Variants in BAG1 observed in about 807,000 individuals in gnomAD.
BAG1 encodes the protein BAG cochaperone 1.
Under a neutral mutation model 35.5 loss-of-function variants are expected in BAG1, and 35 were observed. The observed-to-expected ratio is 0.99, with a 90% confidence interval of 0.75 to 1.31. The LOEUF (loss-of-function observed/expected upper bound fraction) is 1.31, where lower values mean the gene tolerates loss of function less well. Ranked by LOEUF, BAG1 falls within the 50% of genes most tolerant of loss-of-function variation. The pLI, the probability that BAG1 is intolerant of heterozygous loss-of-function variation, is 0.00. For synonymous variants in BAG1, 191 were observed against 178.9 expected (o/e 1.07, Z -0.54); for missense variants, 464 against 453.6 (o/e 1.02, Z -0.21).
At position 33,253,486 on chromosome 9, in the gene BAG1, AC is replaced by A. The variant is rs1272973038; in HGVS notation, c.*1732del. On this transcript the variant is annotated 3_prime_UTR_variant, in exon 7 of 7. Transcript: ENST00000634734. ...AACTTCTCATTAAATGTTGTGGCCC[AC>A]GCCACACAGCTATCACACAAAAATA... is the stretch of plus-strand genomic sequence containing the variant. 6.6e-6 allele frequency: 1 copy of A among 152,244 alleles called. No homozygotes were observed. The allele number at this position is 152,244 out of a possible 1,614,324, so 9.4% of individuals were successfully genotyped here.
In BAG1 at chr9:33,264,473, G is replaced by T. The variant is rs1184356795; in HGVS notation, c.202C>A (p.Arg68Ser). 6.2e-7 allele frequency: 1 copy of T among 1,612,184 alleles called. No individual in the cohort carries two copies. The highest frequency in any genetic ancestry group is 1.3e-5 in the African/African-American group (1 of 74,780). The change falls in exon 1 of 7, where the codon CGC becomes AGC. Residue 68 changes from arginine (R) to serine (S), a missense_variant. Arg to Ser is a moderately radical substitution (Grantham distance 110). Transcript: ENST00000634734. Reference sequence around the variant, plus strand: ...GTTTTCTTCTTCATCCGCGGCCTGCGAGCGCCGGCGGCGGCGCCCCTGGTG... The same window carrying T: ...GTTTTCTTCTTCATCCGCGGCCTGCTAGCGCCGGCGGCGGCGCCCCTGGTG...
intron 2 of BAG1, 84 bp downstream of exon 2, chr9:33,262,618 T>C (rs1262798676): frequency 5.5e-5 from 75 of 1,368,676 alleles, no homozygotes; most frequent in Non-Finnish European, 6.7e-5. Context: ...GATCGTGCCA[T>C]TGCACTCCAG....
chr9:33,264,589 TC>T lies in BAG1; in HGVS notation c.85del (p.Glu29SerfsTer44), dbSNP rs1426504560. On this transcript the variant is annotated frameshift_variant, in exon 1 of 7. Coordinates refer to ENST00000634734, the MANE Select transcript of BAG1 (RefSeq NM_004323.6). LOFTEE classifies it high-confidence loss of function. ...GGCCGGGGGCTCCGACTGGCGCGGC[TC>T]CCGGCCTGGCCGAAGGGCGCGCAGC... 2 of 1,397,422 alleles carry T rather than the reference TC, an allele frequency of 1.4e-6. No homozygotes were observed. Among genetic ancestry groups the T allele is most frequent in the Non-Finnish European group, 1.8e-6 (2 of 1,085,908 alleles). The allele number at this position is 1,397,422 out of a possible 1,614,324, so 86.6% of individuals were successfully genotyped here. A position where few individuals can be genotyped will look rare whatever the true frequency, so the allele number is the denominator to read the frequency against.
Position 33,256,781 on chromosome 9 carries a change from T to G in BAG1, c.885+20A>C. The G allele has an allele frequency of 1.3e-6, 2 of 1,590,016 alleles. No homozygotes were observed. Among genetic ancestry groups the G allele is most frequent in the Non-Finnish European group, 1.7e-6 (2 of 1,159,286 alleles). ...TAAAGTCAAAGAAAACTAGTTCTTC[T>G]CAGCTGAATATTTACTTACCAGTGT... On this transcript the variant is annotated intron_variant, in intron 5 of 6. Coordinates refer to ENST00000634734, the MANE Select transcript of BAG1 (RefSeq NM_004323.6).
At chr9:33,259,822 T>C (rs1018880132) in intron 3 of BAG1, 16 of 152,242 alleles carry the variant, frequency 1.1e-4, no homozygotes, top group Admixed American at 1.0e-3. Context: ...TGAATACTTT[T>C]ATTGAACACT....
intron 1 of BAG1, among the ~76,000 whole-genome samples, chr9:33,263,298 G>A (rs930134932): frequency 5.9e-5 from 9 of 152,082 alleles, no homozygotes; most frequent in Non-Finnish European, 8.8e-5. Context: ...GTATTGTATT[G>A]GTCTCGTCTC....
chr9:33,262,093 A>G (rs1204387202), intron 2 of BAG1: 1 of 1,284,696 alleles, frequency 7.8e-7, no homozygotes, highest in Admixed American at 2.3e-5. Flanking sequence ...TATAATGGGA[A>G]GATGATCTAA....
At chr9:33,256,310 C>A (rs1358025696) in intron 5 of BAG1, among the ~76,000 whole-genome samples, 3 of 152,202 alleles carry the variant, frequency 2.0e-5, no homozygotes, top group South Asian at 2.1e-4. Flanking sequence ...AACAGAAGTA[C>A]ACAGTGCAGT....
chr9:33,262,022 G>A (rs970143538), intron 2 of BAG1: 1 of 1,197,706 alleles, frequency 8.3e-7, no homozygotes, highest in African/African-American at 1.6e-5. Flanking sequence ...CTAAGAAAAT[G>A]ATTATTTAAT....
Position 33,255,247 on chromosome 9 carries a change from T to C in BAG1, c.1010A>G (p.Gln337Arg), listed in dbSNP as rs1418603261. 5.0e-6 allele frequency: 8 copies of C among 1,614,130 alleles called. No homozygotes were observed. ...CTCGGCCAGGGCAAAGTTTGTAGAC[T>C]GCAGCCGCTCAGTCTCCTGGCAGAT... Residue 337 changes from glutamine to arginine, a missense_variant, in exon 7 of 7, where the codon CAG (glutamine) becomes CGG (arginine). Coordinates refer to ENST00000634734, the MANE Select transcript of BAG1 (RefSeq NM_004323.6).
rs1160760481 is a variant in BAG1 at position 33,261,194 on chromosome 9, A to C, written c.581-25T>G. On this transcript the variant is annotated intron_variant, in intron 2 of 6. Transcript: ENST00000634734. ...CCTAAAAAGAGGAGAAAGGTAGGCC[A>C]AGTTGTAATAATTGTACAACACTGA... 5 of 1,528,824 alleles carry C rather than the reference A, an allele frequency of 3.3e-6. No individual in the cohort carries two copies. The South Asian group carries it at 5.8e-5, about 18-fold the overall frequency. The allele number at this position is 1,528,824 out of a possible 1,614,324, so 94.7% of individuals were successfully genotyped here. A position where few individuals can be genotyped will look rare whatever the true frequency, so the allele number is the denominator to read the frequency against.
intron 6 of BAG1, 47 bp downstream of exon 6, chr9:33,255,808 CACACATACCT>C: frequency 6.4e-7 from 1 of 1,550,594 alleles, no homozygotes; most frequent in Non-Finnish European, 8.9e-7. Flanking sequence ...AACAGATAAA[CACACATACCT>C]ACACATTAAC....
intron 2 of BAG1, chr9:33,262,195 GT>G (rs1238061529): frequency 7.8e-7 from 1 of 1,289,736 alleles, no homozygotes; most frequent in African/African-American, 1.5e-5. Flanking sequence ...CTGTCCAGGT[GT>G]TTGAGAGTGT....
Position 33,255,929 on chromosome 9 carries a change from T to C in BAG1, c.886-2A>G. Reference sequence around the variant, plus strand: ...GTCTTTGAAATTTTCTGGCAGGATCTATGGAAGAGTAAGTTGATAATACAA... The same window carrying C: ...GTCTTTGAAATTTTCTGGCAGGATCCATGGAAGAGTAAGTTGATAATACAA... On this transcript the variant is annotated splice_acceptor_variant, in intron 5 of 6. Coordinates refer to ENST00000634734, the MANE Select transcript of BAG1 (RefSeq NM_004323.6). LOFTEE classifies it high-confidence loss of function. 6.2e-7 allele frequency: 1 copy of C among 1,610,592 alleles called. No individual in the cohort carries two copies. Among genetic ancestry groups the C allele is most frequent in the Non-Finnish European group, 8.5e-7 (1 of 1,176,724 alleles).
In BAG1 at chr9:33,256,806, T is replaced by C. The variant is rs1450158141; in HGVS notation, c.880A>G (p.Thr294Ala). 24 of 1,612,284 alleles carry C rather than the reference T, an allele frequency of 1.5e-5. No individual in the cohort carries two copies. Among genetic ancestry groups the C allele is most frequent in the Non-Finnish European group, 2.0e-5 (23 of 1,178,412 alleles). Residue 294 changes from threonine (T) to alanine (A), a missense_variant, in exon 5 of 7, where the codon ACA becomes GCA. Thr to Ala is a moderately conservative substitution (Grantham distance 58). Transcript: ENST00000634734. ...TCAGCTGAATATTTACTTACCAGTG[T>C]GTCAATCTCCTCCAAGATCTTCATA...
In BAG1 at chr9:33,262,038, T is replaced by G. The variant is rs144398259; in HGVS notation, c.580+664A>C. The G allele has an allele frequency of 3.1e-5, 37 of 1,210,912 alleles. 1 individual carries two copies. In the Admixed American group the frequency reaches 9.6e-4, roughly 31 times the overall value. The allele number at this position is 1,210,912 out of a possible 1,614,324, so 75.0% of individuals were successfully genotyped here. ...TAAGAAAATGATTATTTAATAGTAA[T>G]TTCATAGAAGTGATGCAAAAATAGC... is the stretch of plus-strand genomic sequence containing the variant. On this transcript the variant is annotated intron_variant, in intron 2 of 6. Coordinates refer to ENST00000634734, the MANE Select transcript of BAG1 (RefSeq NM_004323.6).
intron 4 of BAG1, among the ~76,000 whole-genome samples, chr9:33,258,523 C>T (rs1211283031): frequency 6.6e-6 from 1 of 152,052 alleles, no homozygotes; most frequent in Non-Finnish European, 1.5e-5. Context: ...ATTTGCCTTG[C>T]CAAACACATT....
Position 33,264,666 on chromosome 9 carries a change from CTGAGCCAGGCCCGCACT to C in BAG1, c.-9_8del, listed in dbSNP as rs1417069131. The C allele has an allele frequency of 7.4e-7, 1 of 1,347,550 alleles. No individual in the cohort carries two copies. Among genetic ancestry groups the C allele is most frequent in the African/African-American group, 1.5e-5 (1 of 64,876 alleles). The allele number at this position is 1,347,550 out of a possible 1,614,324, so 83.5% of individuals were successfully genotyped here. On this transcript the variant is annotated start_lost and 5_prime_UTR_variant, in exon 1 of 7. Coordinates refer to ENST00000634734, the MANE Select transcript of BAG1 (RefSeq NM_004323.6). ...CTCGCGGTCTCCGCGCCCCCCCGCG[CTGAGCCAGGCCCGCACT>C]TGTTGACCGCCCAGCGATGGAAGCT...
chr9:33,259,025 T>C lies in BAG1; in HGVS notation c.672A>G (p.Pro224=). Reference sequence around the variant, plus strand: ...ACTTCTTTAGTTCAACCTCTTCCTGTGGACTGTTCTAAAATGTTTAAGAAG... The same window carrying C: ...ACTTCTTTAGTTCAACCTCTTCCTGCGGACTGTTCTAAAATGTTTAAGAAG... The change falls in exon 4 of 7, where the codon CCA becomes CCG. Residue 224 remains proline, a synonymous_variant. Coordinates refer to ENST00000634734, the MANE Select transcript of BAG1 (RefSeq NM_004323.6). The C allele has an allele frequency of 3.1e-6, 5 of 1,613,578 alleles. No individual in the cohort carries two copies. The highest frequency in any genetic ancestry group is 4.2e-6 in the Non-Finnish European group (5 of 1,179,516).
Sources: allele counts gnomAD v4.1 joint callset (sites outside exome capture counted in the v4.1 genomes callset), GRCh38; gene constraint gnomAD v4.1.1; transcripts MANE v1.5; gene names NCBI Gene and HGNC (gene_info 2026-07-23, HGNC 2026-07-21).